ASTN2: variants seen among roughly 807,000 people sequenced by gnomAD.
The protein encoded by ASTN2 is astrotactin-2.
A neutral mutation model predicts 139.8 loss-of-function variants in ASTN2; 54 were observed. The observed-to-expected ratio is 0.39, with a 90% CI of 0.31 to 0.48. ASTN2 has a LOEUF of 0.48. ASTN2 is among the 20% of genes least tolerant of loss of function. The pLI is 0.95. For synonymous variants in ASTN2, 756 were observed against 719.5 expected (o/e 1.05, Z -0.81); for missense variants, 1,565 against 1,725.1 (o/e 0.91, Z 1.64).
chr9:116,931,435 G>T (rs1175313970), intron 10 of ASTN2, among the ~76,000 whole-genome samples: 1 of 152,118 alleles, frequency 6.6e-6, no homozygotes, highest in Non-Finnish European at 1.5e-5. Flanking sequence ...ACTTGGGAGG[G>T]GCATCAGGCA....
At chr9:116,787,782 T>C (rs1830414185) in intron 13 of ASTN2, among the ~76,000 whole-genome samples, 1 of 152,144 alleles carries the variant, frequency 6.6e-6, no homozygotes, top group South Asian at 2.1e-4. Flanking sequence ...CTGAATGGGC[T>C]CCTGTATCAG....
chr9:116,853,541 TC>T (rs1401805692), intron 11 of ASTN2, among the ~76,000 whole-genome samples: 1 of 152,060 alleles, frequency 6.6e-6, no homozygotes, highest in Non-Finnish European at 1.5e-5. Flanking sequence ...TCATTTACTC[TC>T]CTCTGCATTG....
intron 11 of ASTN2, among the ~76,000 whole-genome samples, chr9:116,860,911 A>C (rs1361003777): frequency 6.6e-6 from 1 of 152,212 alleles, no homozygotes; most frequent in Non-Finnish European, 1.5e-5. Flanking sequence ...TATGAGAAGA[A>C]GTTTCTCTTT....
At chr9:116,715,677 A>G (rs967402706) in intron 16 of ASTN2, among the ~76,000 whole-genome samples, 43 of 152,332 alleles carry the variant, frequency 2.8e-4, no homozygotes, top group African/African-American at 9.9e-4. Flanking sequence ...ATTTATTAAA[A>G]AAATCTGTTC....
At chr9:117,249,293 C>T (rs556450134) in intron 2 of ASTN2, among the ~76,000 whole-genome samples, 7 of 152,290 alleles carry the variant, frequency 4.6e-5, no homozygotes, top group South Asian at 4.1e-4. Context: ...CTCAAAGTCA[C>T]GGTGAATGCT....
intron 13 of ASTN2, among the ~76,000 whole-genome samples, chr9:116,757,434 G>A (rs1272594251): frequency 6.6e-6 from 1 of 152,150 alleles, no homozygotes; most frequent in Non-Finnish European, 1.5e-5. Context: ...CATGGCTCAG[G>A]GTGTGAGATA....
intron 1 of ASTN2, among the ~76,000 whole-genome samples, chr9:117,298,916 C>CCAGAGGA (rs1160605635): frequency 6.6e-6 from 1 of 151,776 alleles, no homozygotes; most frequent in East Asian, 1.9e-4. Flanking sequence ...ATGAGTGTTT[C>CCAGAGGA]CAGAGGACAG....
intron 10 of ASTN2, among the ~76,000 whole-genome samples, chr9:116,954,792 A>G (rs1835665164): frequency 6.6e-6 from 1 of 152,328 alleles, no homozygotes; most frequent in East Asian, 1.9e-4. Flanking sequence ...TGAATAGTCT[A>G]ATGCAATGGC....
intron 6 of ASTN2, among the ~76,000 whole-genome samples, chr9:117,016,542 A>G (rs986016365): frequency 6.8e-6 from 1 of 147,096 alleles, no homozygotes; most frequent in East Asian, 2.0e-4. Flanking sequence ...TATCCCAGAA[A>G]AAAGACCATG....
chr9:116,978,520 C>G (rs540748328), intron 7 of ASTN2, among the ~76,000 whole-genome samples: 15 of 146,288 alleles, frequency 1.0e-4, no homozygotes, highest in South Asian at 2.1e-4. Context: ...CACACACACA[C>G]ACAGAGAGAT....
chr9:117,178,105 G>T (rs1456770249), intron 3 of ASTN2, among the ~76,000 whole-genome samples: 3 of 152,138 alleles, frequency 2.0e-5, no homozygotes, highest in Non-Finnish European at 2.9e-5. Context: ...ATACTCTCTT[G>T]TTCTCTGATA....
intron 3 of ASTN2, among the ~76,000 whole-genome samples, chr9:117,199,793 C>T (rs1168820846): frequency 6.6e-6 from 1 of 152,106 alleles, no homozygotes; most frequent in Non-Finnish European, 1.5e-5. Flanking sequence ...TTTGTGTCCT[C>T]TCTTATTTCC....
chr9:117,196,194 C>A (rs1831496834), intron 3 of ASTN2, among the ~76,000 whole-genome samples: 1 of 152,146 alleles, frequency 6.6e-6, no homozygotes, highest in African/African-American at 2.4e-5. Flanking sequence ...CCCCTCTTTG[C>A]TTTGGTCTCC....
At chr9:117,067,147 G>A (rs28823578) in intron 5 of ASTN2, among the ~76,000 whole-genome samples, 1 of 47,288 alleles carries the variant, frequency 2.1e-5, no homozygotes, top group Non-Finnish European at 4.2e-5. Context: ...TAGGTCTAAC[G>A]TTTAAATCTT....
At chr9:116,720,293 C>T (rs539810683) in intron 16 of ASTN2, among the ~76,000 whole-genome samples, 73 of 152,244 alleles carry the variant, frequency 4.8e-4, no homozygotes, top group African/African-American at 1.8e-3. Flanking sequence ...GATAAGACAC[C>T]TTTTAAAAGT....
intron 19 of ASTN2, among the ~76,000 whole-genome samples, chr9:116,580,811 G>A (rs1168669809): frequency 2.0e-5 from 3 of 152,058 alleles, no homozygotes; most frequent in Non-Finnish European, 4.4e-5. Context: ...GTGCAAACGA[G>A]GTGTGATTTA....
chr9:116,464,983 C>G (rs1227272485), intron 20 of ASTN2, among the ~76,000 whole-genome samples: 1 of 152,208 alleles, frequency 6.6e-6, no homozygotes, highest in East Asian at 1.9e-4. Flanking sequence ...CAGGTCACTG[C>G]AGGTCTTTCC....
chr9:116,581,148 T>G (rs1853935559), intron 19 of ASTN2, among the ~76,000 whole-genome samples: 1 of 152,130 alleles, frequency 6.6e-6, no homozygotes, highest in South Asian at 2.1e-4. Flanking sequence ...CTGAGGGCAT[T>G]TGGGGTCTAG....
intron 11 of ASTN2, among the ~76,000 whole-genome samples, chr9:116,822,721 T>C (rs1432991546): frequency 3.9e-5 from 6 of 152,198 alleles, no homozygotes; most frequent in African/African-American, 1.2e-4. Context: ...TTTTAACTTA[T>C]TTAATCCCTA....
Sources: allele counts gnomAD v4.1 joint callset (sites outside exome capture counted in the v4.1 genomes callset), GRCh38; gene constraint gnomAD v4.1.1; transcripts MANE v1.5; gene names NCBI Gene and HGNC (gene_info 2026-07-23, HGNC 2026-07-21).